MYH14: variants seen among roughly 807,000 people sequenced by gnomAD.
MYH14 encodes the protein myosin-14.
A neutral mutation model predicts 255.5 loss-of-function variants in MYH14; 123 were observed. The ratio of observed to expected loss-of-function variants is 0.48; its 90% confidence interval spans 0.42 to 0.56. MYH14 has a LOEUF of 0.56. MYH14 is among the 20% of genes least tolerant of loss of function. The pLI, the probability that MYH14 is intolerant of heterozygous loss-of-function variation, is 0.00. For missense variants in MYH14, 2,423 were observed against 2,802.3 expected (o/e 0.86, Z 3.06); for synonymous variants, 1,095 against 1,161.2 (o/e 0.94, Z 1.16).
chr19:50,292,927 C>T (rs558237308), intron 37 of MYH14, among the ~76,000 whole-genome samples: 1 of 151,250 alleles, frequency 6.6e-6, no homozygotes, highest in East Asian at 2.0e-4. Context: ...GAGGAGAGCA[C>T]TGGGGGTCTG....
chr19:50,206,167 C>T (rs1004294092), intron 1 of MYH14, among the ~76,000 whole-genome samples: 8 of 151,026 alleles, frequency 5.3e-5, no homozygotes, highest in Admixed American at 2.0e-4. Context: ...ACCTCTAGCC[C>T]GGCTGCAGTG....
At chr19:50,299,237 C>A (rs941768378) in intron 39 of MYH14, among the ~76,000 whole-genome samples, 2 of 152,140 alleles carry the variant, frequency 1.3e-5, no homozygotes, top group Non-Finnish European at 2.9e-5. Flanking sequence ...CAGAGAGGAA[C>A]TCTACAAGGC....
chr19:50,310,032 G>A lies in MYH14; in HGVS notation c.*242G>A. The A allele has an allele frequency of 1.6e-6, 1 of 612,100 alleles. No homozygotes were observed. The highest frequency in any genetic ancestry group is 2.9e-6 in the Non-Finnish European group (1 of 345,240). The allele number at this position is 612,100 out of a possible 1,614,324, so 37.9% of individuals were successfully genotyped here. A position where few individuals can be genotyped will look rare whatever the true frequency, so the allele number is the denominator to read the frequency against. On this transcript the variant is annotated 3_prime_UTR_variant, in exon 43 of 43. Transcript: ENST00000642316. Reference sequence around the variant, plus strand: ...GACTGGAGCTACCTTGCTTGTTGGGGGACTGGGTACAGTTGGCAAGCTGTG... The same window carrying A: ...GACTGGAGCTACCTTGCTTGTTGGGAGACTGGGTACAGTTGGCAAGCTGTG...
intron 40 of MYH14, 135 bp downstream of exon 40, chr19:50,302,004 A>ATGG: frequency 1.4e-6 from 1 of 699,964 alleles, no homozygotes; most frequent in Admixed American, 2.5e-5. Context: ...CTGGCCTGGC[A>ATGG]TGGTGGCTCA....
intron 21 of MYH14, among the ~76,000 whole-genome samples, chr19:50,262,514 G>A (rs1432153960): frequency 1.3e-5 from 2 of 151,774 alleles, no homozygotes; most frequent in African/African-American, 4.8e-5. Context: ...CTCCAGCCTG[G>A]GTGGCAGAGT....
Position 50,286,659 on chromosome 19 carries a change from G to A in MYH14, c.4717G>A (p.Ala1573Thr). 3 of 1,583,542 alleles carry A rather than the reference G, an allele frequency of 1.9e-6. No individual in the cohort carries two copies. The highest frequency in any genetic ancestry group is 2.6e-6 in the Non-Finnish European group (3 of 1,165,856). The change falls in exon 34 of 43, where the codon GCA (alanine) becomes ACA (threonine). Residue 1573 changes from alanine (A) to threonine (T), a missense_variant. Transcript: ENST00000642316. ...CCGGGCCCTGCGGGCTGAGCTGGAG[G>A]CACTGCTGAGCAGCAAGGATGACGT... is the stretch of plus-strand genomic sequence containing the variant. ...QNRALRAELE[A>T]LLSSKDDVGK...
At chr19:50,301,530 A>T in intron 39 of MYH14, 131 bp from the exon 40 acceptor site, 1 of 637,972 alleles carries the variant, frequency 1.6e-6, no homozygotes, top group Non-Finnish European at 2.8e-6. Context: ...TTGAGTATTT[A>T]GTATGTTTCA....
chr19:50,258,383 A>G (rs529589013), intron 18 of MYH14: 2 of 152,178 alleles, frequency 1.3e-5, no homozygotes, highest in African/African-American at 4.8e-5. Context: ...GTGCCACTGG[A>G]ATTTTTGTAC....
At position 50,210,643 on chromosome 19, in the gene MYH14, G is replaced by A; in HGVS notation, c.278G>A (p.Arg93Gln). ...AGCGGGAGGCGGCTGCGACTGCCGC[G>A]GGACCAGATCCAGCGCATGAACCCG... ...AESGRRLRLP[R>Q]DQIQRMNPPK... The change falls in exon 2 of 43, where the codon CGG becomes CAG. Residue 93 changes from arginine to glutamine, a missense_variant. By Grantham distance (43) the Arg-to-Gln change is conservative. Transcript: ENST00000642316. 3 of 1,571,178 alleles carry A rather than the reference G, an allele frequency of 1.9e-6. No homozygotes were observed. Among genetic ancestry groups the A allele is most frequent in the Non-Finnish European group, 1.7e-6 (2 of 1,159,576 alleles).
rs560011065 is a variant in MYH14 at position 50,252,841 on chromosome 19, G to A, written c.1945+88G>A. The A allele has an allele frequency of 1.3e-4, 121 of 956,212 alleles. No homozygotes were observed. The African/African-American group carries it at 1.5e-3, about 12-fold the overall frequency. The allele number at this position is 956,212 out of a possible 1,614,324, so 59.2% of individuals were successfully genotyped here. On this transcript the variant is annotated intron_variant, in intron 16 of 42. Transcript: ENST00000642316. The surrounding 1 kb of genome is among the most constrained non-coding windows in gnomAD (Gnocchi z 4.2). Reference sequence around the variant, plus strand: ...GCGTGAGCACCTTTGTTTCAGAGGCGGAGGTCTGAACCTGAGTTTTCTGCT... The same window carrying A: ...GCGTGAGCACCTTTGTTTCAGAGGCAGAGGTCTGAACCTGAGTTTTCTGCT...
intron 3 of MYH14, among the ~76,000 whole-genome samples, chr19:50,220,772 C>T (rs570007236): frequency 2.0e-4 from 30 of 152,124 alleles, no homozygotes; most frequent in African/African-American, 6.0e-4. Flanking sequence ...GGGCTGGTCT[C>T]GAACTCCTGA....
At chr19:50,302,304 A>T (rs1432830818) in intron 40 of MYH14, among the ~76,000 whole-genome samples, 1 of 143,198 alleles carries the variant, frequency 7.0e-6, no homozygotes, top group East Asian at 2.1e-4. Context: ...AAAAACAGCC[A>T]GGCACAGTGG....
chr19:50,289,337 A>G, intron 34 of MYH14, 99 bp from the exon 35 acceptor site: 1 of 964,910 alleles, frequency 1.0e-6, no homozygotes, highest in Admixed American at 2.0e-5. Flanking sequence ...CTGACTTGCC[A>G]TCTCCCCATC....
intron 39 of MYH14, among the ~76,000 whole-genome samples, chr19:50,297,622 C>T (rs188144274): frequency 9.3e-5 from 14 of 150,772 alleles, no homozygotes; most frequent in African/African-American, 2.2e-4. Context: ...CTCAACCTCC[C>T]GAGTAGCTGG....
At position 50,248,992 on chromosome 19, in the gene MYH14, C is replaced by G; in HGVS notation, c.1335C>G (p.Asp445Glu). 2 of 1,613,536 alleles carry G rather than the reference C, an allele frequency of 1.2e-6. No homozygotes were observed. ...VQKAQTKEQA[D>E]FALEALAKAT... The stretch of plus-strand genomic sequence containing the variant: ...CCATGAGCCCTGTCCCACAGGCTGA[C>G]TTCGCGCTGGAGGCCCTGGCCAAGG... The change falls in exon 13 of 43, where the codon GAC becomes GAG. Residue 445 changes from aspartate (D) to glutamate (E), a missense_variant. By Grantham distance (45) the Asp-to-Glu change is conservative (BLOSUM62 2). This residue lies in a region of MYH14 where 672 missense variants were observed against 881.8 expected (regional missense o/e 0.76). Transcript: ENST00000642316.
In MYH14 at chr19:50,261,651, G is replaced by C. The variant is rs2034883057; in HGVS notation, c.2585+16G>C. On this transcript the variant is annotated intron_variant, in intron 21 of 42. Transcript: ENST00000642316. Reference sequence around the variant, plus strand: ...TGGCTCGCAGGTGGGCAGCCACGCTGTCTCCCGGGGTCCTGTTGGCCGAGA... The same window carrying C: ...TGGCTCGCAGGTGGGCAGCCACGCTCTCTCCCGGGGTCCTGTTGGCCGAGA... 2 of 1,575,638 alleles carry C rather than the reference G, an allele frequency of 1.3e-6. No homozygotes were observed. Among genetic ancestry groups the C allele is most frequent in the Admixed American group, 1.8e-5 (1 of 57,072 alleles).
At chr19:50,208,326 A>C (rs1462322023) in intron 1 of MYH14, among the ~76,000 whole-genome samples, 1 of 152,138 alleles carries the variant, frequency 6.6e-6, no homozygotes, top group East Asian at 1.9e-4. Context: ...GAGGCAGGAG[A>C]ATCTCTTGAA....
intron 22 of MYH14, among the ~76,000 whole-genome samples, chr19:50,265,467 G>A (rs1273647521): frequency 4.6e-5 from 7 of 152,198 alleles, no homozygotes; most frequent in African/African-American, 7.2e-5. Flanking sequence ...AGCCATGATC[G>A]CATCACTGCA....
intron 20 of MYH14, among the ~76,000 whole-genome samples, chr19:50,261,103 C>A (rs113746049): frequency 0.33 from 20,226 of 61,872 alleles, 4,677 homozygotes; most frequent in Admixed American, 0.49. Context: ...TCTCCCCTAT[C>A]ACCCTCCTCC....
Sources: allele counts gnomAD v4.1 joint callset (sites outside exome capture counted in the v4.1 genomes callset), GRCh38; gene constraint gnomAD v4.1.1; regional missense constraint gnomAD v4.1.1; non-coding constraint Gnocchi (gnomAD v3.1); transcripts MANE v1.5; gene names NCBI Gene and HGNC (gene_info 2026-07-23, HGNC 2026-07-21).